ZNF385D: variants seen among roughly 807,000 people sequenced by gnomAD.
The protein encoded by ZNF385D is zinc finger protein 385D, also known as zinc finger protein 659.
Under a neutral mutation model 35.8 loss-of-function variants are expected in ZNF385D, and 15 were observed. That is an observed-to-expected ratio of 0.42 (90% CI 0.28 to 0.64). The LOEUF (loss-of-function observed/expected upper bound fraction) is 0.64, where lower values mean the gene tolerates loss of function less well. ZNF385D is among the 30% of genes least tolerant of loss of function. ZNF385D has a pLI of 0.23. For synonymous variants in ZNF385D, 212 were observed against 186.8 expected (o/e 1.13, Z -1.10); for missense variants, 474 against 494.6 (o/e 0.96, Z 0.39).
intron 3 of ZNF385D, among the ~76,000 whole-genome samples, chr3:21,757,434 C>T (rs2335437): frequency 0.8 from 122,146 of 151,926 alleles, 49,664 homozygotes; most frequent in East Asian, 0.98. Flanking sequence ...TGAGCCACCA[C>T]ACCTGGCCTA....
chr3:21,751,236 A>AGCG, upstream of ZNF385D: 6 of 1,106,854 alleles, frequency 5.4e-6, no homozygotes, highest in Non-Finnish European at 6.7e-6. Flanking sequence ...AGACCCCTCC[A>AGCG]CCCCACCCCA....
intron 3 of ZNF385D, among the ~76,000 whole-genome samples, chr3:22,009,261 T>A (rs551804596): frequency 6.7e-6 from 1 of 149,014 alleles, no homozygotes; most frequent in South Asian, 2.1e-4. Flanking sequence ...AATATCCATA[T>A]CCATCAACAG....
chr3:22,033,432 T>TAATAATAAC (rs1698130622), intron 3 of ZNF385D, among the ~76,000 whole-genome samples: 1 of 143,362 alleles, frequency 7.0e-6, no homozygotes, highest in Non-Finnish European at 1.5e-5. Context: ...ATAATAATAA[T>TAATAATAAC]AATAATAATG....
intron 2 of ZNF385D, among the ~76,000 whole-genome samples, chr3:22,197,327 T>C (rs960496988): frequency 3.3e-5 from 5 of 152,074 alleles, no homozygotes; most frequent in Admixed American, 6.6e-5. Flanking sequence ...TTAGAACTTT[T>C]CATGATGAAC....
intron 2 of ZNF385D, among the ~76,000 whole-genome samples, chr3:22,226,251 A>C (rs988598461): frequency 6.6e-6 from 1 of 152,196 alleles, no homozygotes; most frequent in Non-Finnish European, 1.5e-5. Flanking sequence ...ACAGCTGGAC[A>C]CAAGAATTAT....
chr3:21,544,032 G>A (rs1441192667), intron 3 of ZNF385D, among the ~76,000 whole-genome samples: 1 of 152,124 alleles, frequency 6.6e-6, no homozygotes, highest in Non-Finnish European at 1.5e-5. Flanking sequence ...CGTAAAAAGA[G>A]TTCTAATTAA....
intron 2 of ZNF385D, among the ~76,000 whole-genome samples, chr3:22,260,759 T>C (rs1236268624): frequency 6.6e-6 from 1 of 152,048 alleles, no homozygotes; most frequent in Non-Finnish European, 1.5e-5. Context: ...TACAAAGTTT[T>C]AGTTATAGTC....
chr3:21,481,872 G>T (rs1035987140), intron 4 of ZNF385D, among the ~76,000 whole-genome samples: 2 of 152,012 alleles, frequency 1.3e-5, no homozygotes, highest in East Asian at 1.9e-4. Flanking sequence ...TCTATTTTTT[G>T]AAGTCATAAA....
chr3:21,773,536 T>C (rs563358372), intron 3 of ZNF385D, among the ~76,000 whole-genome samples: 24 of 152,012 alleles, frequency 1.6e-4, no homozygotes, highest in Non-Finnish European at 2.8e-4. Context: ...AAAAGTCTAA[T>C]ATCCAGAATC....
intron 2 of ZNF385D, among the ~76,000 whole-genome samples, chr3:22,242,976 G>A (rs1207598217): frequency 6.6e-6 from 1 of 150,822 alleles, no homozygotes; most frequent in African/African-American, 2.5e-5. Flanking sequence ...CTCGAATTAG[G>A]CATTAGTTTC....
At chr3:21,772,170 A>G (rs2071103021) in intron 3 of ZNF385D, among the ~76,000 whole-genome samples, 1 of 151,972 alleles carries the variant, frequency 6.6e-6, no homozygotes, top group Non-Finnish European at 1.5e-5. Context: ...GGATTTAGCC[A>G]TGATTTCTTG....
chr3:21,912,020 T>C (rs762015810), intron 3 of ZNF385D, among the ~76,000 whole-genome samples: 2 of 151,972 alleles, frequency 1.3e-5, no homozygotes, highest in African/African-American at 2.4e-5. Context: ...TAAAATTATA[T>C]TTGAACTAAA....
intron 3 of ZNF385D, among the ~76,000 whole-genome samples, chr3:21,950,948 G>A (rs924632857): frequency 2.0e-5 from 3 of 151,634 alleles, no homozygotes; most frequent in African/African-American, 4.9e-5. Context: ...GGTTACTGTA[G>A]CCTTGTAGTA....
intron 3 of ZNF385D, among the ~76,000 whole-genome samples, chr3:21,808,716 A>G (rs2072766837): frequency 6.6e-6 from 1 of 152,212 alleles, no homozygotes; most frequent in Admixed American, 6.5e-5. Context: ...GACAGGAGTG[A>G]TCTGAATGAA....
Position 22,297,595 on chromosome 3 carries a change from G to T in ZNF385D, c.106+74855C>A, listed in dbSNP as rs564622649. On this transcript the variant is annotated intron_variant, in intron 2 of 5. Coordinates refer to the ZNF385D transcript ENST00000494108. ...GCCCCACTCATCTAGGCAATATGGGGGAATGAAATAGTTGTCTAGAGGAGT... is the reference window on the plus strand; with the variant it reads ...GCCCCACTCATCTAGGCAATATGGGTGAATGAAATAGTTGTCTAGAGGAGT... Among the ~76,000 whole-genome samples the T allele has an allele frequency of 1.2e-4, 19 of 152,170 alleles. No homozygotes were observed. The South Asian group carries it at 3.1e-3, about 25-fold the overall frequency.
At chr3:21,612,584 A>G (rs1559459223) in intron 2 of ZNF385D, among the ~76,000 whole-genome samples, 1 of 152,222 alleles carries the variant, frequency 6.6e-6, no homozygotes, top group South Asian at 2.1e-4. Flanking sequence ...ATCACAAAGG[A>G]TAATTTAGCT....
intron 1 of ZNF385D, among the ~76,000 whole-genome samples, chr3:21,724,479 A>C (rs545703553): frequency 0.01 from 325 of 31,654 alleles, 3 homozygotes; most frequent in Admixed American, 0.022. Flanking sequence ...TGGAAAGCCA[A>C]AAAAAAAAAA....
intron 1 of ZNF385D, among the ~76,000 whole-genome samples, chr3:21,704,376 C>T (rs552485982): frequency 7.9e-5 from 12 of 152,130 alleles, no homozygotes; most frequent in Non-Finnish European, 1.2e-4. Context: ...CTCAGAGTCC[C>T]GAGCACACAT....
chr3:21,545,145 C>G (rs1271998531), intron 3 of ZNF385D, among the ~76,000 whole-genome samples: 2 of 152,176 alleles, frequency 1.3e-5, no homozygotes, highest in East Asian at 3.8e-4. Flanking sequence ...TGTTGTGTTT[C>G]TAACTGTAAC....
Sources: allele counts gnomAD v4.1 joint callset (sites outside exome capture counted in the v4.1 genomes callset), GRCh38; gene constraint gnomAD v4.1.1; transcripts MANE v1.5; gene names NCBI Gene and HGNC (gene_info 2026-07-23, HGNC 2026-07-21).